The following NR4A3 variants were observed in gnomAD, a reference collection of about 807,000 sequenced individuals.
NR4A3 encodes the protein nuclear receptor subfamily 4 group A member 3, also known as chondrosarcoma, extraskeletal myxoid, fused to EWS.
Under a neutral mutation model 55.6 loss-of-function variants are expected in NR4A3, and 13 were observed. The observed-to-expected ratio is 0.23, with a 90% CI of 0.15 to 0.37. NR4A3 has a LOEUF of 0.37. NR4A3 is among the 10% of genes least tolerant of loss of function. The pLI, the probability that NR4A3 is intolerant of heterozygous loss-of-function variation, is 1.00. For missense variants in NR4A3, 646 were observed against 822.8 expected (o/e 0.79, Z 2.63); for synonymous variants, 342 against 357.9 (o/e 0.96, Z 0.50).
At chr9:99,851,582 G>A (rs1398478353) in intron 7 of NR4A3, among the ~76,000 whole-genome samples, 1 of 151,694 alleles carries the variant, frequency 6.6e-6, no homozygotes, top group Non-Finnish European at 1.5e-5. Context: ...CCTCCTCTCT[G>A]TACCCCCTCA....
rs202216816 is a variant in NR4A3, at chr9:99,847,593, G to A, written c.1611G>A (p.Leu537=). 1.9e-6 allele frequency: 3 copies of A among 1,614,144 alleles called. No individual in the cohort carries two copies. The highest frequency in any genetic ancestry group is 4.5e-5 in the East Asian group (2 of 44,880). ...LNLDIQALAC[L]SALSMITERH... ...TTGATATCCAAGCCTTAGCCTGCCT[G>A]TCAGCACTGAGCATGATCACAGGTA... The change falls in exon 7 of 8, where the codon CTG becomes CTA. Residue 537 remains leucine (L), a synonymous_variant. Transcript: ENST00000395097.
chr9:99,841,978 A>G (rs1024816992), intron 5 of NR4A3, among the ~76,000 whole-genome samples: 1 of 151,876 alleles, frequency 6.6e-6, no homozygotes, highest in Non-Finnish European at 1.5e-5. Context: ...TCAAAAAAAA[A>G]TTTTTTTTGA....
rs1828089858 is a variant in NR4A3 at position 99,865,930 on chromosome 9, G to A, written c.*2063G>A. On this transcript the variant is annotated 3_prime_UTR_variant, in exon 8 of 8. Coordinates refer to ENST00000395097, the MANE Select transcript of NR4A3 (RefSeq NM_006981.4). The surrounding 1 kb of genome is among the most constrained non-coding windows in gnomAD (Gnocchi z 4.3). The stretch of plus-strand genomic sequence containing the variant: ...AGTCCAACCCCTTAAAATTCATAGA[G>A]GAGCAAACTGGGGCCCATTGAAGGG... The A allele has an allele frequency of 4.6e-6, 1 of 218,832 alleles. No individual in the cohort carries two copies. Among genetic ancestry groups the A allele is most frequent in the Admixed American group, 5.8e-5 (1 of 17,270 alleles). The allele number at this position is 218,832 out of a possible 1,614,324, so 13.6% of individuals were successfully genotyped here.
intron 5 of NR4A3, among the ~76,000 whole-genome samples, chr9:99,835,387 T>C (rs1043365858): frequency 6.6e-6 from 1 of 152,018 alleles, no homozygotes; most frequent in Admixed American, 6.5e-5. Flanking sequence ...GCCAAGTGTA[T>C]TGAACCTAAA....
intron 4 of NR4A3, 34 bp downstream of exon 4, chr9:99,832,852 A>C: frequency 7.0e-7 from 1 of 1,428,408 alleles, no homozygotes; most frequent in South Asian, 1.7e-5. Context: ...CAGTTTGCTT[A>C]TACATATTAT....
At chr9:99,860,367 G>T (rs1234945676) in intron 7 of NR4A3, among the ~76,000 whole-genome samples, 1 of 151,748 alleles carries the variant, frequency 6.6e-6, no homozygotes, top group Non-Finnish European at 1.5e-5. Flanking sequence ...CTTTTGTTTT[G>T]TTTTGTCTTG....
intron 3 of NR4A3, 38 bp from the exon 4 acceptor site, chr9:99,832,651 A>G (rs1443056064): frequency 2.0e-6 from 3 of 1,500,160 alleles, no homozygotes; most frequent in Admixed American, 1.9e-5. Flanking sequence ...CTCTTTCCAG[A>G]AACTATCAGT....
chr9:99,823,228 G>C (rs1006388818), intron 1 of NR4A3, among the ~76,000 whole-genome samples: 1 of 152,068 alleles, frequency 6.6e-6, no homozygotes, highest in African/African-American at 2.4e-5. Flanking sequence ...TGCTCCGAGT[G>C]TTTTACTCTT....
chr9:99,844,363 G>A (rs2118581940), intron 5 of NR4A3, among the ~76,000 whole-genome samples: 2 of 152,294 alleles, frequency 1.3e-5, no homozygotes, highest in South Asian at 4.1e-4. Flanking sequence ...GTTTCTTCAA[G>A]CTCCCCAGGT....
At chr9:99,823,136 C>G (rs1319228007) in intron 1 of NR4A3, among the ~76,000 whole-genome samples, 4 of 152,228 alleles carry the variant, frequency 2.6e-5, no homozygotes, top group Admixed American at 2.6e-4. Flanking sequence ...CGTGTGGGGA[C>G]GGTGTCCCTC....
chr9:99,827,728 TA>T (rs1209556355), intron 2 of NR4A3, among the ~76,000 whole-genome samples: 6 of 152,316 alleles, frequency 3.9e-5, no homozygotes, highest in Non-Finnish European at 7.3e-5. Flanking sequence ...AGCCTCTTTT[TA>T]AAAACATCTC....
At chr9:99,829,851 C>G (rs1827405384) in intron 3 of NR4A3, among the ~76,000 whole-genome samples, 1 of 152,172 alleles carries the variant, frequency 6.6e-6, no homozygotes, top group Non-Finnish European at 1.5e-5. Flanking sequence ...ATTTTACCCA[C>G]GAGGAAGCTG....
intron 3 of NR4A3, among the ~76,000 whole-genome samples, chr9:99,832,461 T>C (rs906813641): frequency 2.6e-5 from 4 of 152,198 alleles, no homozygotes; most frequent in African/African-American, 9.6e-5. Context: ...TCATTCAGAG[T>C]TGGGTGTCTC....
At chr9:99,861,312 G>A (rs1019451848) in intron 7 of NR4A3, among the ~76,000 whole-genome samples, 3 of 152,232 alleles carry the variant, frequency 2.0e-5, no homozygotes, top group Admixed American at 1.3e-4. Context: ...TTGAGGCCAG[G>A]AGTTTGAGGC....
At chr9:99,847,874 T>C (rs1827783426) in intron 7 of NR4A3, among the ~76,000 whole-genome samples, 1 of 152,196 alleles carries the variant, frequency 6.6e-6, no homozygotes, top group Non-Finnish European at 1.5e-5. Context: ...AACTTCCTAC[T>C]AGAGATCTGT....
intron 3 of NR4A3, among the ~76,000 whole-genome samples, chr9:99,830,138 A>G (rs980511601): frequency 6.6e-6 from 1 of 152,208 alleles, no homozygotes; most frequent in Non-Finnish European, 1.5e-5. Flanking sequence ...AGTGCTGGAC[A>G]GGGTAGAAAG....
intron 7 of NR4A3, among the ~76,000 whole-genome samples, chr9:99,852,353 A>G (rs1479934143): frequency 2.6e-5 from 4 of 152,202 alleles, no homozygotes; most frequent in African/African-American, 7.2e-5. Flanking sequence ...AGGCTATTGC[A>G]TTTGATGACT....
chr9:99,842,739 A>G (rs988572895), intron 5 of NR4A3, among the ~76,000 whole-genome samples: 1 of 152,160 alleles, frequency 6.6e-6, no homozygotes, highest in Non-Finnish European at 1.5e-5. Context: ...CAAAAAAAAA[A>G]AAGATCCCAC....
intron 7 of NR4A3, among the ~76,000 whole-genome samples, chr9:99,859,778 T>C (rs909531807): frequency 6.6e-6 from 1 of 152,208 alleles, no homozygotes; most frequent in Non-Finnish European, 1.5e-5. Context: ...AGCCAACATA[T>C]TACTCAGTTC....
Sources: gnomAD v4.1 joint callset for allele counts (sites outside exome capture counted in the v4.1 genomes callset) on GRCh38, gnomAD v4.1.1 for gene constraint, Gnocchi (gnomAD v3.1) non-coding constraint, MANE v1.5 for transcripts, NCBI Gene and HGNC (gene_info 2026-07-23, HGNC 2026-07-21) for gene names.